Variants in NPHS2 observed in about 807,000 individuals in gnomAD.
The protein encoded by NPHS2 is podocin.
In NPHS2, 36 loss-of-function variants were observed where a neutral mutation model predicts 37.1. The observed-to-expected ratio is 0.97, with a 90% confidence interval of 0.74 to 1.28. The LOEUF (loss-of-function observed/expected upper bound fraction) is 1.28. Among genes scored for constraint, NPHS2 ranks in the 50% most tolerant of loss-of-function variants. The probability of loss-of-function intolerance (pLI) is 0.00; values close to 1 mark genes in which losing one functional copy is unlikely to be tolerated. For missense variants in NPHS2, 447 were observed against 488.1 expected (o/e 0.92, Z 0.79); for synonymous variants, 196 against 189.3 (o/e 1.04, Z -0.29).
intron 1 of NPHS2, among the ~76,000 whole-genome samples, chr1:179,571,682 G>T (rs1168520725): frequency 6.6e-6 from 1 of 152,242 alleles, no homozygotes; most frequent in East Asian, 1.9e-4. Flanking sequence ...CAGAGGTGGA[G>T]TCTAGAGGCA....
At chr1:179,572,739 C>T (rs1674610130) in intron 1 of NPHS2, among the ~76,000 whole-genome samples, 1 of 151,520 alleles carries the variant, frequency 6.6e-6, no homozygotes, top group Non-Finnish European at 1.5e-5. Flanking sequence ...GTCTACTTTC[C>T]TTCCTTTCTT....
chr1:179,555,746 A>G (rs530826148), intron 5 of NPHS2, among the ~76,000 whole-genome samples: 36 of 152,348 alleles, frequency 2.4e-4, no homozygotes, highest in African/African-American at 7.5e-4. Context: ...CAAAAGCTAA[A>G]GTAGGTTGGA....
At position 179,556,279 on chromosome 1, in the gene NPHS2, G is replaced by A. The variant is rs1021357569; in HGVS notation, c.738+748C>T. On this transcript the variant is annotated intron_variant, in intron 5 of 7. Coordinates refer to ENST00000367615, the MANE Select transcript of NPHS2 (RefSeq NM_014625.4). The surrounding 1 kb of genome is among the most constrained non-coding windows in gnomAD (Gnocchi z 4.1). ...TCACAACCTCCTAACCCAGTTCTGG[G>A]CCTGGGTGTCCCCACTGCTTCAGTG... is the stretch of plus-strand genomic sequence containing the variant. 3.9e-5 allele frequency among the ~76,000 whole-genome samples: 6 copies of A among 152,162 alleles called. No homozygotes were observed. The highest frequency in any genetic ancestry group is 1.4e-4 in the African/African-American group (6 of 41,440).
rs764350609 is a variant in NPHS2 at position 179,575,744 on chromosome 1, C to A, written c.121G>T (p.Ala41Ser). ...RSGGGRGRQE[A>S]GPEPSGSGRA... Reference sequence around the variant, plus strand: ...CCGGAGCCCGACGGCTCGGGCCCAGCCTCCTGGCGCCCGCGGCCTCCGCCG... The same window carrying A: ...CCGGAGCCCGACGGCTCGGGCCCAGACTCCTGGCGCCCGCGGCCTCCGCCG... The change falls in exon 1 of 8, where the codon GCT becomes TCT. Residue 41 changes from alanine to serine, a missense_variant. By Grantham distance (99) the Ala-to-Ser change is moderately conservative. Coordinates refer to ENST00000367615, the MANE Select transcript of NPHS2 (RefSeq NM_014625.4). 54 of 1,507,214 alleles carry A rather than the reference C, an allele frequency of 3.6e-5. No homozygotes were observed. Among genetic ancestry groups the A allele is most frequent in the Non-Finnish European group, 4.5e-5 (51 of 1,134,176 alleles). The allele number at this position is 1,507,214 out of a possible 1,614,324, so 93.4% of individuals were successfully genotyped here.
chr1:179,566,778 T>C (rs1452636912), intron 1 of NPHS2, among the ~76,000 whole-genome samples: 1 of 152,142 alleles, frequency 6.6e-6, no homozygotes, highest in Non-Finnish European at 1.5e-5. Context: ...CAGCTTTCTA[T>C]GTTTGGGTAG....
At chr1:179,554,627 C>G in intron 5 of NPHS2, 96 bp from the exon 6 acceptor site, 1 of 1,517,080 alleles carries the variant, frequency 6.6e-7, no homozygotes, top group South Asian at 1.1e-5. Flanking sequence ...TAAGGAACAA[C>G]ATTCCCTTTG....
chr1:179,561,746 C>T (rs963215126), intron 2 of NPHS2, among the ~76,000 whole-genome samples: 3 of 151,972 alleles, frequency 2.0e-5, no homozygotes, highest in African/African-American at 7.3e-5. Flanking sequence ...ATTTTAATAC[C>T]ACTTGTGATG....
In NPHS2 at chr1:179,562,399, C is replaced by CT. The variant is rs562374893; in HGVS notation, c.379-1039dup. On this transcript the variant is annotated intron_variant, in intron 2 of 7. Transcript: ENST00000367615. ...CACTCCTTGATGATACGGAATTAAT[C>CT]TTTTTTTTCTCAGTGCTTAAAAAAT... is the stretch of plus-strand genomic sequence containing the variant. Among the ~76,000 whole-genome samples, 4 of 152,168 alleles carry CT rather than the reference C, an allele frequency of 2.6e-5. No individual in the cohort carries two copies. In the East Asian group the frequency reaches 7.7e-4, roughly 29 times the overall value.
At position 179,559,666 on chromosome 1, in the gene NPHS2, T is replaced by C; in HGVS notation, c.534+13A>G. 6.5e-7 allele frequency: 1 copy of C among 1,540,774 alleles called. No homozygotes were observed. Among genetic ancestry groups the C allele is most frequent in the Non-Finnish European group, 8.9e-7 (1 of 1,126,640 alleles). On this transcript the variant is annotated intron_variant, in intron 4 of 7. Coordinates refer to ENST00000367615, the MANE Select transcript of NPHS2 (RefSeq NM_014625.4). ...AAATGTATAGAGAAAGCAAAAGCCA[T>C]CATTTGGCTTACCTCATGAAAAGGT...
chr1:179,573,928 C>A (rs1422360586), intron 1 of NPHS2, among the ~76,000 whole-genome samples: 1 of 152,106 alleles, frequency 6.6e-6, no homozygotes, highest in East Asian at 1.9e-4. Flanking sequence ...GCAGGAAAAC[C>A]TTTAAACATT....
chr1:179,574,938 G>A (rs1485760614), intron 1 of NPHS2, among the ~76,000 whole-genome samples: 1 of 152,118 alleles, frequency 6.6e-6, no homozygotes, highest in African/African-American at 2.4e-5. Context: ...GTAAGTTTTT[G>A]TTCCAGACTT....
intron 1 of NPHS2, among the ~76,000 whole-genome samples, chr1:179,572,185 A>G (rs1674591949): frequency 6.6e-6 from 1 of 152,010 alleles, no homozygotes; most frequent in Non-Finnish European, 1.5e-5. Context: ...AGCTGTTCCT[A>G]TTTGGCCATC....
chr1:179,564,580 C>T (rs781644353), intron 2 of NPHS2, 110 bp downstream of exon 2: 3 of 935,480 alleles, frequency 3.2e-6, no homozygotes, highest in Non-Finnish European at 5.2e-6. Flanking sequence ...GGGGTGAGGG[C>T]ATTCCACATG....
At chr1:179,555,408 A>T (rs1673872943) in intron 5 of NPHS2, among the ~76,000 whole-genome samples, 1 of 152,172 alleles carries the variant, frequency 6.6e-6, no homozygotes, top group South Asian at 2.1e-4. Context: ...GAAGTTGGAA[A>T]CAGGAGAGGG....
rs117699859 is a variant in NPHS2 at position 179,552,440 on chromosome 1, A to G, written c.873+163T>C. The G allele has an allele frequency of 8.0e-4, 530 of 665,644 alleles. 3 individuals are homozygous for G. The East Asian group carries it at 0.014, about 17-fold the overall frequency. 41.2% of individuals were successfully genotyped at this position (665,644 alleles called of 1,614,324 possible). Reference sequence around the variant, plus strand: ...GGAGAGGAGTTGCATTAGTCAGGGGACTATTAACACACTTTAAGAGAGCAA... The same window carrying G: ...GGAGAGGAGTTGCATTAGTCAGGGGGCTATTAACACACTTTAAGAGAGCAA... On this transcript the variant is annotated intron_variant, in intron 7 of 7. Coordinates refer to ENST00000367615, the MANE Select transcript of NPHS2 (RefSeq NM_014625.4).
intron 7 of NPHS2, 42 bp downstream of exon 7, chr1:179,552,560 GC>G: frequency 6.7e-7 from 1 of 1,485,726 alleles, no homozygotes; most frequent in Non-Finnish European, 9.4e-7. Context: ...CCACGAGCAG[GC>G]CTTCCTAAAG....
At position 179,569,969 on chromosome 1, in the gene NPHS2, C is replaced by T. The variant is rs189197100; in HGVS notation, c.275-5176G>A. ...AACTCGACCTTTCTCTCTGGCTGCCCTTAACACTTTTTCCTTCATTTCAAC... is the reference window on the plus strand; with the variant it reads ...AACTCGACCTTTCTCTCTGGCTGCCTTTAACACTTTTTCCTTCATTTCAAC... On this transcript the variant is annotated intron_variant, in intron 1 of 7. Coordinates refer to ENST00000367615, the MANE Select transcript of NPHS2 (RefSeq NM_014625.4). Among the ~76,000 whole-genome samples, 5 of 152,276 alleles carry T rather than the reference C, an allele frequency of 3.3e-5. No individual in the cohort carries two copies. The East Asian group carries it at 9.6e-4, about 29-fold the overall frequency.
At chr1:179,570,935 A>G (rs1041314001) in intron 1 of NPHS2, among the ~76,000 whole-genome samples, 4 of 152,110 alleles carry the variant, frequency 2.6e-5, no homozygotes, top group African/African-American at 7.2e-5. Context: ...GGTCTTCTCT[A>G]TACTGTTTAT....
chr1:179,559,593 ATT>A, intron 4 of NPHS2, 84 bp downstream of exon 4: 1 of 903,358 alleles, frequency 1.1e-6, no homozygotes, highest in African/African-American at 1.7e-5. Flanking sequence ...TTTCTTTCCT[ATT>A]TTTGAGTATA....
Sources: allele counts gnomAD v4.1 joint callset (sites outside exome capture counted in the v4.1 genomes callset), GRCh38; gene constraint gnomAD v4.1.1; non-coding constraint Gnocchi (gnomAD v3.1); transcripts MANE v1.5; gene names NCBI Gene and HGNC (gene_info 2026-07-23, HGNC 2026-07-21).